TRAPPC10: variants seen among roughly 807,000 people sequenced by gnomAD.
The protein encoded by TRAPPC10 is TRAPP 130 kDa subunit.
TRAPPC10 carries 23 observed loss-of-function variants against 125.5 expected under a neutral mutation model. That is an observed-to-expected ratio of 0.18 (90% CI 0.13 to 0.26). The LOEUF is 0.26. Among genes scored for constraint, TRAPPC10 ranks in the 10% least tolerant of loss-of-function variants. The pLI is 1.00. For missense variants in TRAPPC10, 1,123 were observed against 1,308.4 expected, an observed-to-expected ratio of 0.86 and a Z score of 2.19; for synonymous variants, 509 against 518.0, an observed-to-expected ratio of 0.98 and a Z score of 0.24.
chr21:44,059,589 C>G lies in TRAPPC10; in HGVS notation c.790+375C>G. 2 of 683,322 alleles carry G rather than the reference C, an allele frequency of 2.9e-6. No homozygotes were observed. Among genetic ancestry groups the G allele is most frequent in the South Asian group, 3.2e-5 (2 of 61,878 alleles). 42.3% of individuals were successfully genotyped at this position (683,322 alleles called of 1,614,324 possible). A position where few individuals can be genotyped will look rare whatever the true frequency, so the allele number is the denominator to read the frequency against. ...GGGTTATCTTTGGAATGCTCGAGTG[C>G]TCATTGCTGTGAACTTATAAAATGC... On this transcript the variant is annotated intron_variant, in intron 6 of 22. Coordinates refer to ENST00000291574, the MANE Select transcript of TRAPPC10 (RefSeq NM_003274.5). The surrounding 1 kb of genome is among the most constrained non-coding windows in gnomAD (Gnocchi z 4.4).
At chr21:44,012,666 C>A in intron 1 of TRAPPC10, 106 bp downstream of exon 1, 3 of 1,027,154 alleles carry the variant, frequency 2.9e-6, no homozygotes, top group South Asian at 1.5e-5. Context: ...GCGCTCCGGG[C>A]TGGGCCGCTT....
At chr21:44,015,753 T>G (rs2031764498) in intron 1 of TRAPPC10, among the ~76,000 whole-genome samples, 1 of 152,130 alleles carries the variant, frequency 6.6e-6, no homozygotes, top group Admixed American at 6.6e-5. Context: ...TAGCTGGGAT[T>G]ACAGGCGTAC....
At chr21:44,092,187 TC>T in intron 19 of TRAPPC10, 138 bp downstream of exon 19, 1 of 1,098,796 alleles carries the variant, frequency 9.1e-7, no homozygotes, top group Non-Finnish European at 1.3e-6. Flanking sequence ...GTGCAGCTCC[TC>T]CGGCTGCCCT....
intron 2 of TRAPPC10, 110 bp from the exon 3 acceptor site, chr21:44,037,682 T>C: frequency 1.6e-6 from 2 of 1,240,068 alleles, no homozygotes; most frequent in South Asian, 1.4e-5. Flanking sequence ...GGGGTTAATA[T>C]ATGTGCTCTG....
rs887046393 is a variant in TRAPPC10, at chr21:44,037,943, G to T, written c.285+16G>T. 3.1e-6 allele frequency: 5 copies of T among 1,611,440 alleles called. No homozygotes were observed. The highest frequency in any genetic ancestry group is 3.3e-5 in the Admixed American group (2 of 59,832). ...AGAGTGCTGTGTGAGTACCAGCAGG[G>T]GAAGAGGATGCGCGGTGGGATGGGG... On this transcript the variant is annotated intron_variant, in intron 3 of 22. Coordinates refer to ENST00000291574, the MANE Select transcript of TRAPPC10 (RefSeq NM_003274.5).
chr21:44,031,803 CT>C (rs2033603304), intron 1 of TRAPPC10, among the ~76,000 whole-genome samples: 1 of 152,152 alleles, frequency 6.6e-6, no homozygotes, highest in African/African-American at 2.4e-5. Flanking sequence ...CTCTCCTAAG[CT>C]TTGTGTCCTT....
intron 7 of TRAPPC10, among the ~76,000 whole-genome samples, chr21:44,072,604 C>A (rs1167225925): frequency 6.6e-6 from 1 of 152,194 alleles, no homozygotes; most frequent in Non-Finnish European, 1.5e-5. Context: ...GCTGGGATTA[C>A]AGGTGCATGC....
At chr21:44,075,616 G>A (rs964509126) in intron 9 of TRAPPC10, among the ~76,000 whole-genome samples, 1 of 152,104 alleles carries the variant, frequency 6.6e-6, no homozygotes, top group African/African-American at 2.4e-5. Flanking sequence ...CTCCCAGGTA[G>A]CTGGGACTAC....
Position 44,082,021 on chromosome 21 carries a change from T to C in TRAPPC10, c.1724-767T>C, listed in dbSNP as rs1394282714. Among the ~76,000 whole-genome samples, 5 of 152,198 alleles carry C rather than the reference T, an allele frequency of 3.3e-5. No homozygotes were observed. Among genetic ancestry groups the C allele is most frequent in the African/African-American group, 1.2e-4 (5 of 41,440 alleles). ...TGCTGCTGCTTTGTATTTGAGACTA[T>C]TTGAGTTGTGATGTTCCTGCCAACG... is the stretch of plus-strand genomic sequence containing the variant. On this transcript the variant is annotated intron_variant, in intron 13 of 22. Transcript: ENST00000291574. The surrounding 1 kb of genome is among the most constrained non-coding windows in gnomAD (Gnocchi z 4.4).
At chr21:44,040,551 T>G (rs1200594302) in intron 3 of TRAPPC10, among the ~76,000 whole-genome samples, 1 of 152,134 alleles carries the variant, frequency 6.6e-6, no homozygotes, top group African/African-American at 2.4e-5. Flanking sequence ...TTGGACAGGC[T>G]GGTCTTGAAT....
chr21:44,079,411 C>T (rs763910305), intron 11 of TRAPPC10, 153 bp from the exon 12 acceptor site: 60 of 739,380 alleles, frequency 8.1e-5, no homozygotes, highest in Admixed American at 3.6e-4. Flanking sequence ...CTCTTTCTCA[C>T]GGAGTGGGGT....
rs1449463499 is a variant in TRAPPC10, at chr21:44,086,849, A to C, written c.2428A>C (p.Thr810Pro). Reference sequence around the variant, plus strand: ...TCAGAGAGTCAAGTTCACTGTCACTACCGGCCATTATACGATAAAGAATGG... The same window carrying C: ...TCAGAGAGTCAAGTTCACTGTCACTCCCGGCCATTATACGATAAAGAATGG... ...IPQRVKFTVT[T>P]GHYTIKNGDS... The change falls in exon 16 of 23, where the codon ACC (threonine) becomes CCC (proline). Residue 810 changes from threonine (T) to proline (P), a missense_variant. By Grantham distance (38) the Thr-to-Pro change is conservative. This residue lies in a region of TRAPPC10 where 840 missense variants were observed against 902.0 expected (regional missense o/e 0.93). Coordinates refer to ENST00000291574, the MANE Select transcript of TRAPPC10 (RefSeq NM_003274.5). 6.2e-7 allele frequency: 1 copy of C among 1,614,016 alleles called. No homozygotes were observed. Among genetic ancestry groups the C allele is most frequent in the African/African-American group, 1.3e-5 (1 of 74,892 alleles).
intron 3 of TRAPPC10, among the ~76,000 whole-genome samples, chr21:44,048,897 C>T (rs2145814918): frequency 6.7e-6 from 1 of 149,312 alleles, no homozygotes; most frequent in African/African-American, 2.5e-5. Flanking sequence ...TGATTTCTAG[C>T]TTTTGATGGA....
At chr21:44,032,067 T>G in intron 1 of TRAPPC10, 24 bp from the exon 2 acceptor site, 6 of 1,593,102 alleles carry the variant, frequency 3.8e-6, no homozygotes, top group Non-Finnish European at 5.1e-6. Context: ...ATATGGTAAC[T>G]GAATTTCTTT....
In TRAPPC10 at chr21:44,047,565, T is replaced by TGTGTGTGCGC. The variant is rs954810521; in HGVS notation, c.286-4714_286-4713insTGTGTGCGCG. Among the ~76,000 whole-genome samples the TGTGTGTGCGC allele has an allele frequency of 3.6e-4, 53 of 147,196 alleles. 1 individual carries two copies. The highest frequency in any genetic ancestry group is 1.3e-3 in the African/African-American group (51 of 38,708). Reference sequence around the variant, plus strand: ...GTGTGTGTGTGTGTGTGTGTGTGTGTGCGCGCACACGCTACATGAAGTTCC... The same window carrying TGTGTGTGCGC: ...GTGTGTGTGTGTGTGTGTGTGTGTGTGTGTGTGCGCGCGCGCACACGCTACATGAAGTTCC... On this transcript the variant is annotated intron_variant, in intron 3 of 22. Coordinates refer to ENST00000291574, the MANE Select transcript of TRAPPC10 (RefSeq NM_003274.5).
intron 3 of TRAPPC10, among the ~76,000 whole-genome samples, chr21:44,040,158 G>A (rs2034308113): frequency 6.6e-6 from 1 of 152,138 alleles, no homozygotes. Flanking sequence ...GGTTTTTGTA[G>A]TTAGTCTTGC....
In TRAPPC10 at chr21:44,012,388, C is replaced by T. The variant is rs1349766477; in HGVS notation, c.-106C>T. 3 of 608,270 alleles carry T rather than the reference C, an allele frequency of 4.9e-6. No homozygotes were observed. Among genetic ancestry groups the T allele is most frequent in the Non-Finnish European group, 6.2e-6 (3 of 484,400 alleles). 37.7% of individuals were successfully genotyped at this position (608,270 alleles called of 1,614,324 possible). A position where few individuals can be genotyped will look rare whatever the true frequency, so the allele number is the denominator to read the frequency against. On this transcript the variant is annotated 5_prime_UTR_variant, in exon 1 of 23. Coordinates refer to ENST00000291574, the MANE Select transcript of TRAPPC10 (RefSeq NM_003274.5). ...CAACCGGCTCCGGAGCTGCCTGGCG[C>T]GGCCGGGCGGGCGGCGCCGCTCAGG...
intron 3 of TRAPPC10, 122 bp from the exon 4 acceptor site, chr21:44,052,157 TC>T (rs1354675382): frequency 6.0e-6 from 5 of 832,490 alleles, no homozygotes; most frequent in Non-Finnish European, 9.1e-6. Context: ...TCAATTTAAG[TC>T]CCGAGCCTGT....
intron 3 of TRAPPC10, among the ~76,000 whole-genome samples, chr21:44,048,085 T>A (rs1212831615): frequency 6.6e-6 from 1 of 152,242 alleles, no homozygotes; most frequent in Non-Finnish European, 1.5e-5. Context: ...CCTGTGTGAC[T>A]GCCAAGCATG....
Sources: allele counts gnomAD v4.1 joint callset (sites outside exome capture counted in the v4.1 genomes callset), GRCh38; gene constraint gnomAD v4.1.1; regional missense constraint gnomAD v4.1.1; non-coding constraint Gnocchi (gnomAD v3.1); transcripts MANE v1.5; gene names NCBI Gene and HGNC (gene_info 2026-07-23, HGNC 2026-07-21).